Variants in GPM6B observed in about 807,000 individuals in gnomAD.
GPM6B encodes the protein glycoprotein M6B.
In GPM6B, 4 loss-of-function variants were observed where a neutral mutation model predicts 27.2. The ratio of observed to expected loss-of-function variants is 0.15; its 90% CI spans 0.07 to 0.34. The LOEUF is 0.34. Among genes scored for constraint, GPM6B ranks in the 10% least tolerant of loss-of-function variants. The pLI, the probability that GPM6B is intolerant of heterozygous loss-of-function variation, is 1.00. For missense variants in GPM6B, 183 were observed against 261.9 expected, an observed-to-expected ratio of 0.70 and a Z score of 2.08; for synonymous variants, 124 against 103.1, an observed-to-expected ratio of 1.20 and a Z score of -1.23.
At chrX:13,791,618 G>GA (rs1311292044) in intron 2 of GPM6B, among the ~76,000 whole-genome samples, 27 of 106,974 alleles carry the variant, frequency 2.5e-4, no homozygotes, top group Middle Eastern at 4.9e-3. Context: ...ATGTAGTAGG[G>GA]AAAAAAAAAA....
rs374071863 is a variant in GPM6B at position 13,835,482 on chromosome X, C to T, written c.-197-49674G>A. On this transcript the variant is annotated intron_variant, in intron 1 of 6. Coordinates refer to the GPM6B transcript ENST00000398361. Reference sequence around the variant, plus strand: ...TCAGTTTTTTGGGGGGTGTCCTAGACCCCAGTGAAAAAGCTAGGAGTTTTT... The same window carrying T: ...TCAGTTTTTTGGGGGGTGTCCTAGATCCCAGTGAAAAAGCTAGGAGTTTTT... Among the ~76,000 whole-genome samples, 22 of 111,234 alleles carry T rather than the reference C, an allele frequency of 2.0e-4. No homozygotes were observed. In the East Asian group the frequency reaches 6.2e-3, roughly 31 times the overall value.
chrX:13,803,675 A>C (rs2048963892), intron 2 of GPM6B, among the ~76,000 whole-genome samples: 1 of 112,018 alleles, frequency 8.9e-6, no homozygotes, highest in Non-Finnish European at 1.9e-5. Flanking sequence ...ATGTCATTGG[A>C]TTATATTAAA....
At chrX:13,843,058 CT>C (rs201651999) in intron 1 of GPM6B, among the ~76,000 whole-genome samples, 1,288 of 111,355 alleles carry the variant, frequency 0.012, 8 homozygotes, top group Non-Finnish European at 0.019. Context: ...TCAGTCCCTA[CT>C]AAAAGATCCC....
chrX:13,826,749 T>G (rs1055336652), intron 1 of GPM6B, among the ~76,000 whole-genome samples: 1 of 105,185 alleles, frequency 9.5e-6, no homozygotes, highest in African/African-American at 3.5e-5. Context: ...TGTTTTTTTG[T>G]TTTTTTTTTA....
At chrX:13,879,917 T>G (rs2050076903) in intron 1 of GPM6B, among the ~76,000 whole-genome samples, 1 of 111,693 alleles carries the variant, frequency 9.0e-6, no homozygotes, top group Non-Finnish European at 1.9e-5. Context: ...GAAGCACACT[T>G]TGAGAACCGC....
intron 1 of GPM6B, among the ~76,000 whole-genome samples, chrX:13,905,172 C>T (rs1429205431): frequency 4.0e-5 from 4 of 99,414 alleles, no homozygotes; most frequent in Admixed American, 1.2e-4. Flanking sequence ...TCAAGACTGC[C>T]GTGAGCTGTG....
intron 1 of GPM6B, among the ~76,000 whole-genome samples, chrX:13,826,373 A>T (rs777611982): frequency 6.3e-5 from 7 of 111,335 alleles, no homozygotes; most frequent in Non-Finnish European, 9.4e-5. Flanking sequence ...CCAAAATGGG[A>T]AATGAGGACC....
At chrX:13,929,989 A>T (rs927168607) in intron 1 of GPM6B, among the ~76,000 whole-genome samples, 9 of 112,362 alleles carry the variant, frequency 8.0e-5, no homozygotes, top group Non-Finnish European at 1.5e-4. Context: ...CTCAAGATCT[A>T]CTCTAACTCA....
Position 13,863,210 on chromosome X carries a change from G to A in GPM6B, c.-198+75117C>T, listed in dbSNP as rs559985017. 1.3e-4 allele frequency among the ~76,000 whole-genome samples: 14 copies of A among 111,397 alleles called. 1 individual carries two copies. In the South Asian group the frequency reaches 3.4e-3, roughly 27 times the overall value. Reference sequence around the variant, plus strand: ...AAATAATTTCACCAAAACACCCTCCGGGGCAATCTTTGAAAAATGAGCAGC... The same window carrying A: ...AAATAATTTCACCAAAACACCCTCCAGGGCAATCTTTGAAAAATGAGCAGC... On this transcript the variant is annotated intron_variant, in intron 1 of 6. Coordinates refer to the GPM6B transcript ENST00000398361.
intron 1 of GPM6B, among the ~76,000 whole-genome samples, chrX:13,866,222 G>A (rs1415188095): frequency 8.9e-6 from 1 of 112,219 alleles, no homozygotes; most frequent in Non-Finnish European, 1.9e-5. Flanking sequence ...AATTAGCCGG[G>A]CGTGGTGGCA....
At chrX:13,843,554 C>G (rs1263391955) in intron 1 of GPM6B, among the ~76,000 whole-genome samples, 1 of 112,253 alleles carries the variant, frequency 8.9e-6, no homozygotes, top group East Asian at 2.8e-4. Context: ...ATTTTACGTT[C>G]CCACTAGTAG....
intron 1 of GPM6B, among the ~76,000 whole-genome samples, chrX:13,886,635 G>A (rs1272291241): frequency 2.1e-5 from 2 of 96,943 alleles, no homozygotes; most frequent in East Asian, 6.7e-4. Context: ...CACTTCCCCA[G>A]CCCTGAACAG....
chrX:13,797,157 A>G (rs374543854), intron 2 of GPM6B, among the ~76,000 whole-genome samples: 5 of 112,271 alleles, frequency 4.5e-5, no homozygotes, highest in African/African-American at 3.2e-5. Context: ...ATTCCATTCA[A>G]TGAGTGTCTG....
chrX:13,886,234 A>C (rs1481620750), intron 1 of GPM6B, among the ~76,000 whole-genome samples: 7 of 111,787 alleles, frequency 6.3e-5, no homozygotes, highest in Non-Finnish European at 9.4e-5. Flanking sequence ...AGAAAGCAAA[A>C]TCTCTCTGAA....
Position 13,852,552 on chromosome X carries a change from G to A in GPM6B, c.-197-66744C>T, listed in dbSNP as rs145466946. Among the ~76,000 whole-genome samples the A allele has an allele frequency of 5.3e-4, 59 of 110,915 alleles. No homozygotes were observed. The East Asian group carries it at 0.015, about 28-fold the overall frequency. ...ATCACACACCCTTCGCCCAGAAAAG[G>A]AGCACACAGTACTAGACTTAACTGT... On this transcript the variant is annotated intron_variant, in intron 1 of 6. Coordinates refer to the GPM6B transcript ENST00000398361.
intron 1 of GPM6B, among the ~76,000 whole-genome samples, chrX:13,811,102 A>C (rs1303565481): frequency 3.6e-5 from 4 of 112,190 alleles, no homozygotes; most frequent in Non-Finnish European, 7.5e-5. Flanking sequence ...GAAATGGGAA[A>C]ATGGTTTATG....
chrX:13,896,827 C>T (rs1266116045), intron 1 of GPM6B, among the ~76,000 whole-genome samples: 1 of 111,912 alleles, frequency 8.9e-6, no homozygotes, highest in Non-Finnish European at 1.9e-5. Context: ...CTCGGCCTCC[C>T]AAAGTGCTGG....
At chrX:13,890,692 C>T (rs780511271) in intron 1 of GPM6B, among the ~76,000 whole-genome samples, 57 of 110,749 alleles carry the variant, frequency 5.1e-4, no homozygotes, top group Non-Finnish European at 1.0e-3. Context: ...AGTAGCACCC[C>T]TGGACTCTAT....
At chrX:13,932,117 C>G (rs756380708) in intron 1 of GPM6B, among the ~76,000 whole-genome samples, 324 of 112,127 alleles carry the variant, frequency 2.9e-3, no homozygotes, top group Middle Eastern at 0.023. Flanking sequence ...CTGTGACCAA[C>G]AGGGTAATGA....
Sources: gnomAD v4.1 joint callset for allele counts (sites outside exome capture counted in the v4.1 genomes callset) on GRCh38, gnomAD v4.1.1 for gene constraint, MANE v1.5 for transcripts, NCBI Gene and HGNC (gene_info 2026-07-23, HGNC 2026-07-21) for gene names.